Variants in NEBL observed in about 807,000 individuals in gnomAD.
NEBL encodes the protein nebulette.
Under a neutral mutation model 140.2 loss-of-function variants are expected in NEBL, and 122 were observed. That is an observed-to-expected ratio of 0.87 (90% confidence interval 0.75 to 1.01). NEBL has a LOEUF of 1.01. NEBL is among the 50% of genes least tolerant of loss of function. The probability of loss-of-function intolerance (pLI) is 0.00; values close to 1 mark genes in which losing one functional copy is unlikely to be tolerated. For synonymous variants in NEBL, 436 were observed against 398.9 expected, an observed-to-expected ratio of 1.09 and a Z score of -1.11; for missense variants, 1,365 against 1,231.3, an observed-to-expected ratio of 1.11 and a Z score of -1.62.
At position 20,946,663 on chromosome 10, in the gene NEBL, C is replaced by T. The variant is rs534593879; in HGVS notation, c.357+15009G>A. Among the ~76,000 whole-genome samples the T allele has an allele frequency of 6.6e-5, 10 of 152,210 alleles. 1 individual carries two copies. In the South Asian group the frequency reaches 1.5e-3, roughly 22 times the overall value. On this transcript the variant is annotated intron_variant, in intron 4 of 6. Coordinates refer to the NEBL transcript ENST00000417816. ...GTTTGGTAGAGACGAGGTTTCACCA[C>T]GCTGTTGGCCAGGCTGGTCTCAAAC...
At chr10:20,909,936 A>G (rs1000138321) in intron 4 of NEBL, among the ~76,000 whole-genome samples, 3 of 152,196 alleles carry the variant, frequency 2.0e-5, no homozygotes, top group Non-Finnish European at 4.4e-5. Flanking sequence ...GCCTAGTATC[A>G]AAGCTTAATT....
At chr10:21,187,234 GT>G (rs1347588787) in intron 3 of NEBL, among the ~76,000 whole-genome samples, 1 of 152,002 alleles carries the variant, frequency 6.6e-6, no homozygotes, top group Non-Finnish European at 1.5e-5. Context: ...CTCCCCAGCT[GT>G]GCAGAACTAT....
chr10:21,068,680 C>G (rs1017835097), intron 2 of NEBL, among the ~76,000 whole-genome samples: 9 of 152,300 alleles, frequency 5.9e-5, no homozygotes, highest in Non-Finnish European at 1.0e-4. Context: ...CTTTTCTGCT[C>G]TAGGTAGTTG....
At chr10:20,894,643 G>A (rs993051744) in intron 2 of NEBL, among the ~76,000 whole-genome samples, 2 of 151,808 alleles carry the variant, frequency 1.3e-5, no homozygotes, top group African/African-American at 4.8e-5. Context: ...GGCCGGGCAT[G>A]GTGGCTCACG....
At chr10:21,286,902 T>C (rs1223054887) in intron 1 of NEBL, among the ~76,000 whole-genome samples, 2 of 151,392 alleles carry the variant, frequency 1.3e-5, no homozygotes, top group Non-Finnish European at 2.9e-5. Context: ...AACAGACAAT[T>C]TGACCTTTGT....
intron 4 of NEBL, among the ~76,000 whole-genome samples, chr10:20,958,026 C>T (rs11012419): frequency 0.13 from 19,081 of 152,138 alleles, 1,930 homozygotes; most frequent in East Asian, 0.37. Context: ...GAATGTCTGG[C>T]GATGGTTGTG....
intron 3 of NEBL, among the ~76,000 whole-genome samples, chr10:21,243,938 AGG>A (rs1842477862): frequency 7.3e-6 from 1 of 136,286 alleles, no homozygotes; most frequent in Non-Finnish European, 1.6e-5. Context: ...GGAAAGGGAA[AGG>A]GAAGGGGAAG....
chr10:20,939,783 T>A (rs949768197), intron 4 of NEBL, among the ~76,000 whole-genome samples: 4 of 152,148 alleles, frequency 2.6e-5, no homozygotes, highest in Non-Finnish European at 4.4e-5. Context: ...GGGGTTGCAA[T>A]CCTAGTCTCT....
At chr10:21,160,864 GAAAAA>G (rs11314209) in intron 2 of NEBL, among the ~76,000 whole-genome samples, 1 of 145,314 alleles carries the variant, frequency 6.9e-6, no homozygotes, top group East Asian at 2.0e-4. Context: ...TTTCCAGGGG[GAAAAA>G]AAAAAAAAAC....
At chr10:20,805,536 G>A (rs556086890) in intron 26 of NEBL, among the ~76,000 whole-genome samples, 1 of 152,194 alleles carries the variant, frequency 6.6e-6, no homozygotes, top group East Asian at 1.9e-4. Context: ...GAGAACAACA[G>A]AAATTTATAA....
intron 2 of NEBL, among the ~76,000 whole-genome samples, chr10:21,059,556 C>A (rs1347088144): frequency 6.6e-6 from 1 of 152,128 alleles, no homozygotes; most frequent in Non-Finnish European, 1.5e-5. Flanking sequence ...TACTTTCTAC[C>A]AAATAAAGCA....
chr10:21,017,985 TA>T (rs1228927178), intron 3 of NEBL, among the ~76,000 whole-genome samples: 1 of 152,154 alleles, frequency 6.6e-6, no homozygotes, highest in Non-Finnish European at 1.5e-5. Context: ...CACTCCCAGC[TA>T]ATTTTTGTAT....
At chr10:21,053,333 C>T (rs987423512) in intron 2 of NEBL, among the ~76,000 whole-genome samples, 2 of 152,116 alleles carry the variant, frequency 1.3e-5, no homozygotes, top group East Asian at 3.9e-4. Context: ...ACTTCCCACT[C>T]TTTTAAAATC....
intron 3 of NEBL, among the ~76,000 whole-genome samples, chr10:21,000,233 G>C (rs1482934822): frequency 6.9e-6 from 1 of 144,050 alleles, no homozygotes; most frequent in Admixed American, 6.9e-5. Flanking sequence ...GGGGCCAGAG[G>C]GGGGCAGAGG....
chr10:21,051,599 CAA>C (rs1359822446), intron 2 of NEBL, among the ~76,000 whole-genome samples: 9 of 151,894 alleles, frequency 5.9e-5, no homozygotes, highest in Admixed American at 2.0e-4. Context: ...AAATGAGGCA[CAA>C]AAAAATCTAT....
intron 3 of NEBL, among the ~76,000 whole-genome samples, chr10:21,223,027 T>G (rs1842094527): frequency 1.3e-5 from 2 of 152,252 alleles, no homozygotes; most frequent in African/African-American, 4.8e-5. Context: ...CTTCCCAAAG[T>G]GCTGGGATTA....
At chr10:20,852,888 C>T (rs906913060) in intron 9 of NEBL, among the ~76,000 whole-genome samples, 3 of 152,142 alleles carry the variant, frequency 2.0e-5, no homozygotes, top group Non-Finnish European at 4.4e-5. Context: ...GACAATTAAC[C>T]GCAAACATAA....
chr10:21,013,892 A>C (rs597837), intron 3 of NEBL, among the ~76,000 whole-genome samples: 47,345 of 151,856 alleles, frequency 0.31, 8,768 homozygotes, highest in Admixed American at 0.49. Flanking sequence ...AAAAGAACCC[A>C]ATGAAGAGCA....
chr10:21,148,718 G>A (rs925522951), intron 2 of NEBL, among the ~76,000 whole-genome samples: 1 of 151,822 alleles, frequency 6.6e-6, no homozygotes, highest in Non-Finnish European at 1.5e-5. Flanking sequence ...TAGAGACAGG[G>A]TTTCACCATG....
Sources: allele counts gnomAD v4.1 joint callset (sites outside exome capture counted in the v4.1 genomes callset), GRCh38; gene constraint gnomAD v4.1.1; transcripts MANE v1.5; gene names NCBI Gene and HGNC (gene_info 2026-07-23, HGNC 2026-07-21).